The following GRAMD2B variants were observed in gnomAD, a reference collection of about 807,000 sequenced individuals.
GRAMD2B encodes the protein GRAM domain-containing protein 2B.
GRAMD2B carries 41 observed loss-of-function variants against 59.2 expected under a neutral mutation model. The observed-to-expected ratio is 0.69, with a 90% CI of 0.54 to 0.90. The LOEUF is 0.90. Among genes scored for constraint, GRAMD2B ranks in the 40% least tolerant of loss-of-function variants. The pLI, the probability that GRAMD2B is intolerant of heterozygous loss-of-function variation, is 0.00. For missense variants in GRAMD2B, 424 were observed against 500.5 expected, an observed-to-expected ratio of 0.85 and a Z score of 1.46; for synonymous variants, 161 against 182.7, an observed-to-expected ratio of 0.88 and a Z score of 0.96.
At position 126,469,719 on chromosome 5, in the gene GRAMD2B, G is replaced by C. The variant is rs1012151791; in HGVS notation, c.246G>C (p.Lys82Asn). The change falls in exon 3 of 14, where the codon AAG (lysine) becomes AAC (asparagine). Residue 82 changes from lysine to asparagine, a missense_variant. Physicochemically the swap from Lys to Asn is moderately conservative, Grantham distance 94. Coordinates refer to ENST00000285689, the MANE Select transcript of GRAMD2B (RefSeq NM_023927.4). ...SFDGASLASDKNDCKTESKND... is the reference protein window; with the variant it reads ...SFDGASLASDNNDCKTESKND... ...ATGGTGCCTCTTTAGCAAGTGATAA[G>C]AACGACTGTAAAACAGAAAGCAAAA... 7.5e-6 allele frequency: 12 copies of C among 1,597,370 alleles called. No homozygotes were observed. The highest frequency in any genetic ancestry group is 2.3e-5 in the East Asian group (1 of 43,730).
chr5:126,455,254 G>A (rs1581101897), intron 1 of GRAMD2B, among the ~76,000 whole-genome samples: 1 of 152,070 alleles, frequency 6.6e-6, no homozygotes, highest in African/African-American at 2.4e-5. Context: ...AGCTCATCAG[G>A]TCCATGATGT....
At chr5:126,435,384 A>T (rs1178639801) in intron 1 of GRAMD2B, among the ~76,000 whole-genome samples, 1 of 152,186 alleles carries the variant, frequency 6.6e-6, no homozygotes, top group Non-Finnish European at 1.5e-5. Context: ...AAGAACAAGG[A>T]TAGGATACTT....
intron 2 of GRAMD2B, 72 bp from the exon 3 acceptor site, chr5:126,469,605 A>C (rs1769156336): frequency 3.0e-6 from 3 of 985,222 alleles, no homozygotes; most frequent in Non-Finnish European, 3.2e-6. Context: ...GCTGCACTTC[A>C]GCCTGGGCAA....
intron 1 of GRAMD2B, among the ~76,000 whole-genome samples, chr5:126,374,608 A>G (rs1755033611): frequency 6.6e-6 from 1 of 152,172 alleles, no homozygotes; most frequent in African/African-American, 2.4e-5. Context: ...AAATCCTTCC[A>G]TACCCTGAAG....
intron 1 of GRAMD2B, among the ~76,000 whole-genome samples, chr5:126,447,333 T>G (rs1764428282): frequency 6.6e-6 from 1 of 152,198 alleles, no homozygotes; most frequent in East Asian, 1.9e-4. Context: ...CTATTTATAC[T>G]GTCTGGTGTA....
chr5:126,364,957 G>T (rs1754374767), intron 1 of GRAMD2B, among the ~76,000 whole-genome samples: 1 of 152,170 alleles, frequency 6.6e-6, no homozygotes, highest in Non-Finnish European at 1.5e-5. Context: ...ACTTTGAAGG[G>T]TAAGGCCTCT....
intron 1 of GRAMD2B, among the ~76,000 whole-genome samples, chr5:126,416,485 T>C (rs1375854358): frequency 1.3e-5 from 2 of 152,168 alleles, no homozygotes; most frequent in African/African-American, 2.4e-5. Flanking sequence ...ATTGAGCATC[T>C]AACATGAACT....
Position 126,457,191 on chromosome 5 carries a change from CAAAAAAAAAAA to C in GRAMD2B, c.84-8215_84-8205del, listed in dbSNP as rs559904336. Among the ~76,000 whole-genome samples, 128 of 63,978 alleles carry C rather than the reference CAAAAAAAAAAA, an allele frequency of 2.0e-3. 1 individual carries two copies. The highest frequency in any genetic ancestry group is 6.6e-3 in the African/African-American group (119 of 18,122). The allele number at this position is 63,978 out of a possible 152,430, so 42.0% of individuals were successfully genotyped here. ...GAGGCGACAGTGCGAGACTCCGTCTCAAAAAAAAAAAAAAAAAAAAAAAAAAAAAAGAAGTA... is the reference window on the plus strand; with the variant it reads ...GAGGCGACAGTGCGAGACTCCGTCTCAAAAAAAAAAAAAAAAAAAGAAGTA... On this transcript the variant is annotated intron_variant, in intron 1 of 13. Transcript: ENST00000285689.
chr5:126,482,548 T>C (rs1772079031), intron 8 of GRAMD2B, among the ~76,000 whole-genome samples: 1 of 152,226 alleles, frequency 6.6e-6, no homozygotes, highest in African/African-American at 2.4e-5. Context: ...GAAGATTAAA[T>C]GCAATCATGT....
intron 1 of GRAMD2B, among the ~76,000 whole-genome samples, chr5:126,461,879 C>G (rs1387161874): frequency 6.6e-6 from 1 of 152,236 alleles, no homozygotes; most frequent in Non-Finnish European, 1.5e-5. Context: ...GCATGACTGT[C>G]TCACTGCTTT....
intron 13 of GRAMD2B, among the ~76,000 whole-genome samples, chr5:126,489,285 T>C (rs1222968977): frequency 2.0e-5 from 3 of 152,178 alleles, no homozygotes; most frequent in Non-Finnish European, 4.4e-5. Flanking sequence ...AGGCTGACTG[T>C]TCCCATAGGT....
intron 2 of GRAMD2B, chr5:126,467,768 G>A (rs1010839687): frequency 6.6e-6 from 1 of 152,196 alleles, no homozygotes; most frequent in African/African-American, 2.4e-5. Flanking sequence ...TCTGTGAATA[G>A]CTTCAATGGC....
At position 126,423,585 on chromosome 5, in the gene GRAMD2B, G is replaced by T. The variant is rs767261438; in HGVS notation, c.-22G>T. Reference sequence around the variant, plus strand: ...GAGCCAGGCGCGCGGAAGTCTGAAGGTGCCCTCCAGACACGGCCCCGATGA... The same window carrying T: ...GAGCCAGGCGCGCGGAAGTCTGAAGTTGCCCTCCAGACACGGCCCCGATGA... On this transcript the variant is annotated 5_prime_UTR_variant, in exon 1 of 14. Transcript: ENST00000285689. The T allele has an allele frequency of 1.2e-6, 2 of 1,607,542 alleles. No homozygotes were observed. Among genetic ancestry groups the T allele is most frequent in the Non-Finnish European group, 1.7e-6 (2 of 1,177,580 alleles).
chr5:126,431,249 C>T (rs1048824031), intron 1 of GRAMD2B, among the ~76,000 whole-genome samples: 23 of 152,050 alleles, frequency 1.5e-4, no homozygotes, highest in African/African-American at 9.7e-5. Flanking sequence ...TGAAGCATCT[C>T]GTGAGATTGT....
At chr5:126,465,077 G>A in intron 1 of GRAMD2B, 1 of 1,116,086 alleles carries the variant, frequency 9.0e-7, no homozygotes, top group Non-Finnish European at 1.1e-6. Context: ...GTGAGCGTGT[G>A]TACATGTGCG....
chr5:126,425,887 T>C (rs1256194536), intron 1 of GRAMD2B, among the ~76,000 whole-genome samples: 1 of 151,756 alleles, frequency 6.6e-6, no homozygotes, highest in Non-Finnish European at 1.5e-5. Context: ...GAATAGGGAG[T>C]TGATCAGAGG....
chr5:126,466,386 A>T, intron 2 of GRAMD2B: 1 of 792,674 alleles, frequency 1.3e-6, no homozygotes, highest in South Asian at 1.5e-5. Flanking sequence ...CTAATTCCCA[A>T]TTATCTCTCC....
At chr5:126,469,525 C>T (rs1174689587) in intron 2 of GRAMD2B, 152 bp from the exon 3 acceptor site, 4 of 599,208 alleles carry the variant, frequency 6.7e-6, no homozygotes, top group Non-Finnish European at 1.2e-5. Context: ...GTCCCAGCTA[C>T]TCAGGAGGCT....
At chr5:126,408,924 G>A (rs1292468849) in intron 1 of GRAMD2B, among the ~76,000 whole-genome samples, 1 of 145,376 alleles carries the variant, frequency 6.9e-6, no homozygotes, top group Non-Finnish European at 1.5e-5. Context: ...CCACCTATGA[G>A]TGAGAATATG....
Sources: allele counts gnomAD v4.1 joint callset (sites outside exome capture counted in the v4.1 genomes callset), GRCh38; gene constraint gnomAD v4.1.1; transcripts MANE v1.5; gene names NCBI Gene and HGNC (gene_info 2026-07-23, HGNC 2026-07-21).